The following ADGRL3 variants were observed in gnomAD, a reference collection of about 807,000 sequenced individuals.
The protein encoded by ADGRL3 is calcium-independent alpha-latrotoxin receptor 3.
A neutral mutation model predicts 153.5 loss-of-function variants in ADGRL3; 62 were observed. That is an observed-to-expected ratio of 0.40 (90% confidence interval 0.33 to 0.50). ADGRL3 has a LOEUF of 0.50. Among genes scored for constraint, ADGRL3 ranks in the 20% least tolerant of loss-of-function variants. The pLI is 0.47. For missense variants in ADGRL3, 1,641 were observed against 1,859.4 expected (o/e 0.88, Z 2.16); for synonymous variants, 710 against 672.5 (o/e 1.06, Z -0.86).
intron 5 of ADGRL3, among the ~76,000 whole-genome samples, chr4:61,654,284 T>G (rs987632039): frequency 2.6e-5 from 4 of 152,122 alleles, no homozygotes; most frequent in Non-Finnish European, 5.9e-5. Flanking sequence ...TATTTAAAAA[T>G]TTTTGAATTT....
intron 2 of ADGRL3, among the ~76,000 whole-genome samples, chr4:61,457,140 A>G (rs140807032): frequency 6.6e-6 from 1 of 152,098 alleles, no homozygotes; most frequent in African/African-American, 2.4e-5. Context: ...TAAAAAATCA[A>G]TCTCCGTTTA....
At chr4:61,815,752 C>T (rs1045264000) in intron 9 of ADGRL3, among the ~76,000 whole-genome samples, 1 of 152,140 alleles carries the variant, frequency 6.6e-6, no homozygotes, top group Non-Finnish European at 1.5e-5. Context: ...GATTGATGAC[C>T]TTATAAAAGG....
intron 17 of ADGRL3, among the ~76,000 whole-genome samples, chr4:61,953,477 G>A (rs182139566): frequency 6.6e-6 from 1 of 152,180 alleles, no homozygotes; most frequent in East Asian, 1.9e-4. Flanking sequence ...CCTAAGTTAA[G>A]ATAAACATCA....
chr4:61,324,496 T>G (rs749919943), intron 1 of ADGRL3, among the ~76,000 whole-genome samples: 1 of 152,144 alleles, frequency 6.6e-6, no homozygotes, highest in Non-Finnish European at 1.5e-5. Flanking sequence ...TTTGATTATT[T>G]CTAAGAATAA....
intron 1 of ADGRL3, among the ~76,000 whole-genome samples, chr4:61,307,692 A>G (rs907983057): frequency 3.3e-5 from 5 of 152,198 alleles, no homozygotes; most frequent in African/African-American, 1.2e-4. Context: ...TGGATGAAAA[A>G]GATATGTTTT....
At chr4:61,462,563 A>T (rs1323302351) in intron 2 of ADGRL3, among the ~76,000 whole-genome samples, 1 of 152,198 alleles carries the variant, frequency 6.6e-6, no homozygotes, top group East Asian at 1.9e-4. Flanking sequence ...GTACTAAAAC[A>T]TAATAAACTA....
intron 6 of ADGRL3, among the ~76,000 whole-genome samples, chr4:61,723,423 G>C (rs1327498811): frequency 2.0e-5 from 3 of 152,048 alleles, no homozygotes; most frequent in Admixed American, 6.6e-5. Flanking sequence ...GAAGAAAAAA[G>C]CTCCCCCATA....
rs2094885241 is a variant in ADGRL3 at position 61,668,639 on chromosome 4, T to A, written c.474-8187T>A. Among the ~76,000 whole-genome samples, 5 of 152,292 alleles carry A rather than the reference T, an allele frequency of 3.3e-5. No individual in the cohort carries two copies. The South Asian group carries it at 1.0e-3, about 32-fold the overall frequency. On this transcript the variant is annotated intron_variant, in intron 5 of 26. Coordinates refer to ENST00000683033, the MANE Select transcript of ADGRL3 (RefSeq NM_001387552.1). Reference sequence around the variant, plus strand: ...AGAGAATCACTTTATGAATCACAGATCTTCATTTACATGCATTGGCATAAT... The same window carrying A: ...AGAGAATCACTTTATGAATCACAGAACTTCATTTACATGCATTGGCATAAT...
intron 8 of ADGRL3, among the ~76,000 whole-genome samples, chr4:61,801,390 G>A (rs1240451055): frequency 6.6e-6 from 1 of 152,022 alleles, no homozygotes; most frequent in Non-Finnish European, 1.5e-5. Context: ...ATTTATATAT[G>A]ACATGATGTG....
At chr4:61,416,608 A>G (rs900699731) in intron 2 of ADGRL3, among the ~76,000 whole-genome samples, 1 of 152,196 alleles carries the variant, frequency 6.6e-6, no homozygotes, top group East Asian at 1.9e-4. Flanking sequence ...ATTTGTTACA[A>G]CATTCATGCA....
rs2097294474 is a variant in ADGRL3, at chr4:61,787,739, C to T, written c.1400-26070C>T. ...TAAAAAATAAAATATTATTTTTATA[C>T]AGTAAAATTCACTCATTTTAATACA... On this transcript the variant is annotated intron_variant, in intron 8 of 26. Transcript: ENST00000683033. Among the ~76,000 whole-genome samples, 4 of 151,736 alleles carry T rather than the reference C, an allele frequency of 2.6e-5. No homozygotes were observed. In the South Asian group the frequency reaches 8.3e-4, roughly 32 times the overall value.
chr4:61,221,430 C>CTTA (rs1745448140), intron 1 of ADGRL3, among the ~76,000 whole-genome samples: 1 of 152,110 alleles, frequency 6.6e-6, no homozygotes, highest in African/African-American at 2.4e-5. Context: ...TCAAGAACTG[C>CTTA]TGTTTCAACA....
chr4:61,514,821 T>C (rs1348248264), intron 3 of ADGRL3, among the ~76,000 whole-genome samples: 3 of 152,228 alleles, frequency 2.0e-5, no homozygotes, highest in Non-Finnish European at 4.4e-5. Context: ...AAGAGTTTGC[T>C]TCCTAGTTCT....
chr4:61,465,775 A>ATATATATATC (rs1457456010), intron 2 of ADGRL3, among the ~76,000 whole-genome samples: 3 of 146,134 alleles, frequency 2.1e-5, no homozygotes, highest in African/African-American at 4.9e-5. Flanking sequence ...ATATATATAT[A>ATATATATATC]TATCTTATAT....
chr4:62,037,764 C>A lies in ADGRL3; in HGVS notation c.3625C>A (p.His1209Asn). The A allele has an allele frequency of 6.2e-7, 1 of 1,613,790 alleles. No homozygotes were observed. The highest frequency in any genetic ancestry group is 8.5e-7 in the Non-Finnish European group (1 of 1,179,774). Residue 1209 changes from histidine to asparagine, a missense_variant, in exon 24 of 27, where the codon CAT (histidine) becomes AAT (asparagine). Around this residue, in one of 5 missense-constraint regions of ADGRL3, gnomAD observed 517 missense variants for 555.0 expected, o/e 0.93. Transcript: ENST00000683033. ...AGAGTATGGGAAATGCCTGCGAACA[C>A]ATTGCTGTAGTGGCAAAAGTACAGA... ...RKEYGKCLRTHCCSGKSTESS... is the reference protein window; with the variant it reads ...RKEYGKCLRTNCCSGKSTESS...
intron 5 of ADGRL3, among the ~76,000 whole-genome samples, chr4:61,645,537 A>T (rs971438722): frequency 3.3e-5 from 5 of 151,558 alleles, no homozygotes; most frequent in Non-Finnish European, 7.4e-5. Flanking sequence ...TTTCTCCTTC[A>T]CTTATGAAGC....
chr4:61,567,831 A>G (rs1324381061), intron 4 of ADGRL3, among the ~76,000 whole-genome samples: 1 of 152,210 alleles, frequency 6.6e-6, no homozygotes, highest in Non-Finnish European at 1.5e-5. Flanking sequence ...TTGTACTATT[A>G]TCAGATTAAC....
In ADGRL3 at chr4:61,961,927, A is replaced by C. The variant is rs1031067855; in HGVS notation, c.2805+13651A>C. ...TGGAAGAATGATACAATAAATACTCATATACCCCTTTTTCTGAATTCATAT... is the reference window on the plus strand; with the variant it reads ...TGGAAGAATGATACAATAAATACTCCTATACCCCTTTTTCTGAATTCATAT... On this transcript the variant is annotated intron_variant, in intron 17 of 26. Coordinates refer to ENST00000683033, the MANE Select transcript of ADGRL3 (RefSeq NM_001387552.1). Among the ~76,000 whole-genome samples the C allele has an allele frequency of 1.2e-4, 18 of 152,204 alleles. 1 individual carries two copies. The highest frequency in any genetic ancestry group is 3.6e-4 in the African/African-American group (15 of 41,464).
chr4:61,981,277 C>A (rs2099067323), intron 18 of ADGRL3, among the ~76,000 whole-genome samples: 1 of 151,752 alleles, frequency 6.6e-6, no homozygotes, highest in Admixed American at 6.6e-5. Context: ...TAGAATAATG[C>A]TTTAAAGTTT....
Sources: gnomAD v4.1 joint callset for allele counts (sites outside exome capture counted in the v4.1 genomes callset) on GRCh38, gnomAD v4.1.1 for gene constraint, gnomAD v4.1.1 regional missense constraint, MANE v1.5 for transcripts, NCBI Gene and HGNC (gene_info 2026-07-23, HGNC 2026-07-21) for gene names.